The following CDH4 variants were observed in gnomAD, a reference collection of about 807,000 sequenced individuals.
CDH4 encodes the protein cadherin-4.
Under a neutral mutation model 86.0 loss-of-function variants are expected in CDH4, and 33 were observed. That is an observed-to-expected ratio of 0.38 (90% CI 0.29 to 0.51). The LOEUF (loss-of-function observed/expected upper bound fraction) is 0.51. Ranked by LOEUF, CDH4 falls within the 20% of genes least tolerant of loss-of-function variation. The probability of loss-of-function intolerance (pLI) is 0.86; values close to 1 mark genes in which losing one functional copy is unlikely to be tolerated. For synonymous variants in CDH4, 555 were observed against 549.4 expected, an observed-to-expected ratio of 1.01 and a Z score of -0.14; for missense variants, 1,114 against 1,307.4, an observed-to-expected ratio of 0.85 and a Z score of 2.28.
chr20:61,596,694 A>G (rs964006214), intron 2 of CDH4, among the ~76,000 whole-genome samples: 1 of 152,168 alleles, frequency 6.6e-6, no homozygotes, highest in African/African-American at 2.4e-5. Context: ...GAGGTCCTGG[A>G]AATGCTCAGA....
intron 2 of CDH4, among the ~76,000 whole-genome samples, chr20:61,591,025 A>G (rs982427618): frequency 1.2e-4 from 19 of 152,278 alleles, no homozygotes; most frequent in African/African-American, 3.9e-4. Flanking sequence ...TTTATTCCCC[A>G]GTACAAGGGC....
chr20:61,801,789 T>C (rs1401478341), intron 4 of CDH4, among the ~76,000 whole-genome samples: 4 of 152,208 alleles, frequency 2.6e-5, no homozygotes, highest in Non-Finnish European at 5.9e-5. Flanking sequence ...TTCTCCTCTG[T>C]AGTCAAAGCT....
intron 2 of CDH4, among the ~76,000 whole-genome samples, chr20:61,493,233 G>A (rs369477013): frequency 3.7e-4 from 56 of 152,264 alleles, no homozygotes; most frequent in African/African-American, 1.0e-3. Flanking sequence ...GGGCCTTTCC[G>A]GAGTTCCATT....
intron 2 of CDH4, among the ~76,000 whole-genome samples, chr20:61,705,016 G>A (rs193174110): frequency 1.6e-4 from 24 of 152,274 alleles, no homozygotes; most frequent in Admixed American, 3.9e-4. Flanking sequence ...ACCCAGGAAC[G>A]CGTTGGGGCT....
chr20:61,802,720 C>G (rs538075985), intron 4 of CDH4, among the ~76,000 whole-genome samples: 1 of 152,174 alleles, frequency 6.6e-6, no homozygotes, highest in Non-Finnish European at 1.5e-5. Context: ...GCCTGGGGGC[C>G]GGGCAGGGGG....
intron 2 of CDH4, among the ~76,000 whole-genome samples, chr20:61,686,603 G>A (rs1329571289): frequency 2.0e-5 from 3 of 150,904 alleles, no homozygotes; most frequent in Admixed American, 6.6e-5. Flanking sequence ...GCATGAGCAC[G>A]TGTGTGCATG....
At chr20:61,532,170 G>A (rs1197979936) in intron 2 of CDH4, among the ~76,000 whole-genome samples, 4 of 152,264 alleles carry the variant, frequency 2.6e-5, no homozygotes, top group South Asian at 2.1e-4. Context: ...ATCCCCAATC[G>A]CCTGCAGGGC....
chr20:61,907,231 C>G (rs1165045721), intron 8 of CDH4, among the ~76,000 whole-genome samples: 3 of 152,146 alleles, frequency 2.0e-5, no homozygotes, highest in African/African-American at 7.2e-5. Flanking sequence ...CACAGCAACA[C>G]GGACCTGGCT....
At chr20:61,780,368 C>T (rs1978473804) in intron 4 of CDH4, among the ~76,000 whole-genome samples, 1 of 152,294 alleles carries the variant, frequency 6.6e-6, no homozygotes, top group African/African-American at 2.4e-5. Flanking sequence ...GAGGCCTTCC[C>T]AAGGGGCCAG....
chr20:61,832,336 G>T (rs115126999), intron 4 of CDH4, among the ~76,000 whole-genome samples: 87 of 152,330 alleles, frequency 5.7e-4, no homozygotes, highest in African/African-American at 2.0e-3. Context: ...ACAGGGAAGG[G>T]CTGCATATGA....
At chr20:61,876,569 C>T (rs1161680362) in intron 7 of CDH4, among the ~76,000 whole-genome samples, 2 of 152,138 alleles carry the variant, frequency 1.3e-5, no homozygotes, top group African/African-American at 4.8e-5. Flanking sequence ...TCCATGAACA[C>T]ATCTCTTCTT....
chr20:61,934,890 C>G (rs1416826419), intron 15 of CDH4, among the ~76,000 whole-genome samples: 1 of 152,260 alleles, frequency 6.6e-6, no homozygotes, highest in Admixed American at 6.5e-5. Flanking sequence ...CTTCCATCTT[C>G]CCCTTTGCAA....
intron 2 of CDH4, among the ~76,000 whole-genome samples, chr20:61,401,428 C>T (rs1428863607): frequency 6.6e-6 from 1 of 152,078 alleles, no homozygotes; most frequent in Non-Finnish European, 1.5e-5. Context: ...CACGATTGCA[C>T]CCCACCCTAC....
At position 61,714,021 on chromosome 20, in the gene CDH4, TTTTTATTTTATTTTATTTTA is replaced by T. The variant is rs373689820; in HGVS notation, c.170-29518_170-29499del. On this transcript the variant is annotated intron_variant, in intron 2 of 15. Coordinates refer to ENST00000614565, the MANE Select transcript of CDH4 (RefSeq NM_001794.5). ...CTGTCTTAGTCCATTGTCTATTCTT[TTTTTATTTTATTTTATTTTA>T]TTTTATTTTATTTTATTTTATTTGA... Among the ~76,000 whole-genome samples, 18 of 135,976 alleles carry T rather than the reference TTTTTATTTTATTTTATTTTA, an allele frequency of 1.3e-4. 1 individual carries two copies. Among genetic ancestry groups the T allele is most frequent in the African/African-American group, 5.3e-4 (18 of 33,776 alleles). 89.2% of individuals were successfully genotyped at this position (135,976 alleles called of 152,430 possible).
intron 3 of CDH4, among the ~76,000 whole-genome samples, chr20:61,746,502 C>T (rs1358791824): frequency 6.6e-6 from 1 of 152,200 alleles, no homozygotes; most frequent in Non-Finnish European, 1.5e-5. Flanking sequence ...GACCACAGCC[C>T]TGTGCTGCAC....
At chr20:61,371,081 A>G (rs981204818) in intron 2 of CDH4, among the ~76,000 whole-genome samples, 16 of 152,158 alleles carry the variant, frequency 1.1e-4, no homozygotes, top group Non-Finnish European at 1.6e-4. Flanking sequence ...GGTGTTAATG[A>G]ATGGATTCGT....
intron 2 of CDH4, among the ~76,000 whole-genome samples, chr20:61,716,406 C>T (rs1272396954): frequency 6.6e-6 from 1 of 152,246 alleles, no homozygotes; most frequent in Non-Finnish European, 1.5e-5. Flanking sequence ...GGTGGACGCT[C>T]ATCACCTATG....
At chr20:61,521,345 A>G (rs546544075) in intron 2 of CDH4, among the ~76,000 whole-genome samples, 38 of 152,300 alleles carry the variant, frequency 2.5e-4, no homozygotes, top group Non-Finnish European at 3.7e-4. Context: ...GCTCCATCAA[A>G]TGCATCACTT....
intron 2 of CDH4, among the ~76,000 whole-genome samples, chr20:61,635,535 T>C (rs2086937491): frequency 6.6e-6 from 1 of 152,090 alleles, no homozygotes; most frequent in African/African-American, 2.4e-5. Context: ...GTCCCCTCCA[T>C]GTTCTGTTTG....
Sources: gnomAD v4.1 joint callset for allele counts (sites outside exome capture counted in the v4.1 genomes callset) on GRCh38, gnomAD v4.1.1 for gene constraint, MANE v1.5 for transcripts, NCBI Gene and HGNC (gene_info 2026-07-23, HGNC 2026-07-21) for gene names.